Variants in PRKCZ observed in about 807,000 individuals in gnomAD.
The protein encoded by PRKCZ is protein kinase C zeta.
In PRKCZ, 33 loss-of-function variants were observed where a neutral mutation model predicts 79.5. That is an observed-to-expected ratio of 0.41 (90% CI 0.31 to 0.55). PRKCZ has a LOEUF of 0.55. Ranked by LOEUF, PRKCZ falls within the 20% of genes least tolerant of loss-of-function variation. The probability of loss-of-function intolerance (pLI) is 0.19; values close to 1 mark genes in which losing one functional copy is unlikely to be tolerated. For missense variants in PRKCZ, 578 were observed against 813.5 expected (o/e 0.71, Z 3.52); for synonymous variants, 342 against 320.9 (o/e 1.07, Z -0.70).
intron 10 of PRKCZ, chr1:2,156,396 T>C: frequency 3.4e-6 from 1 of 296,720 alleles, no homozygotes; most frequent in East Asian, 7.4e-5. Flanking sequence ...TTTCTGTGCT[T>C]ATTAAAATAT....
At chr1:2,067,181 G>T (rs1661189322) in intron 4 of PRKCZ, among the ~76,000 whole-genome samples, 1 of 152,170 alleles carries the variant, frequency 6.6e-6, no homozygotes, top group African/African-American at 2.4e-5. Context: ...CTGAGTCTGT[G>T]GCTCACTTGT....
intron 4 of PRKCZ, among the ~76,000 whole-genome samples, chr1:2,091,823 G>A (rs545968797): frequency 6.6e-6 from 1 of 152,308 alleles, no homozygotes; most frequent in African/African-American, 2.4e-5. Flanking sequence ...GGCGTCCGAG[G>A]GCCCTGACCC....
intron 10 of PRKCZ, among the ~76,000 whole-genome samples, chr1:2,163,642 G>A (rs949405432): frequency 2.0e-5 from 3 of 152,092 alleles, no homozygotes; most frequent in South Asian, 2.1e-4. Context: ...TGTAATCCCA[G>A]CACTCTGGGA....
At chr1:2,076,980 G>A (rs1446991371) in intron 4 of PRKCZ, among the ~76,000 whole-genome samples, 1 of 152,184 alleles carries the variant, frequency 6.6e-6, no homozygotes. Context: ...GAGGCCTCCA[G>A]GCAGAACCAG....
At chr1:2,105,924 AC>A (rs915869836) in intron 4 of PRKCZ, among the ~76,000 whole-genome samples, 3 of 151,784 alleles carry the variant, frequency 2.0e-5, no homozygotes, top group Non-Finnish European at 4.4e-5. Context: ...ATGAGGCCCC[AC>A]CCCCCCACAC....
intron 16 of PRKCZ, among the ~76,000 whole-genome samples, chr1:2,179,747 T>C (rs1261285173): frequency 2.6e-5 from 4 of 152,184 alleles, no homozygotes; most frequent in Non-Finnish European, 5.9e-5. Context: ...GGCCCAGGGC[T>C]GCTGGTGGGA....
Position 2,173,558 on chromosome 1 carries a change from C to G in PRKCZ, c.1286-339C>G, listed in dbSNP as rs1179116459. On this transcript the variant is annotated intron_variant, in intron 13 of 17. Coordinates refer to ENST00000378567, the MANE Select transcript of PRKCZ (RefSeq NM_002744.6). This position sits in a 1 kb window ranked among gnomAD's most constrained non-coding sequence, Gnocchi z 5.7. ...CGTTACTGCAGCGAAAGGGCTTCTTCAAGCTTAGTTCTGTAGAAGCAGAAA... is the reference window on the plus strand; with the variant it reads ...CGTTACTGCAGCGAAAGGGCTTCTTGAAGCTTAGTTCTGTAGAAGCAGAAA... Among the ~76,000 whole-genome samples, 5 of 152,218 alleles carry G rather than the reference C, an allele frequency of 3.3e-5. No individual in the cohort carries two copies. Among genetic ancestry groups the G allele is most frequent in the African/African-American group, 4.8e-5 (2 of 41,446 alleles).
chr1:2,174,969 T>C lies in PRKCZ; in HGVS notation c.1485+136T>C. The C allele has an allele frequency of 1.1e-6, 1 of 927,932 alleles. No individual in the cohort carries two copies. Among genetic ancestry groups the C allele is most frequent in the East Asian group, 2.5e-5 (1 of 39,998 alleles). The allele number at this position is 927,932 out of a possible 1,614,324, so 57.5% of individuals were successfully genotyped here. A position where few individuals can be genotyped will look rare whatever the true frequency, so the allele number is the denominator to read the frequency against. On this transcript the variant is annotated intron_variant, in intron 15 of 17. Coordinates refer to ENST00000378567, the MANE Select transcript of PRKCZ (RefSeq NM_002744.6). The surrounding 1 kb of genome is among the most constrained non-coding windows in gnomAD (Gnocchi z 6.2). ...TGTGTGGGTTGATTTTCCGCTTCAG[T>C]ATTTGAGCTCTGTGTTCTGTGAATC...
chr1:2,138,035 G>A (rs1676577389), intron 5 of PRKCZ, among the ~76,000 whole-genome samples: 1 of 152,208 alleles, frequency 6.6e-6, no homozygotes, highest in Admixed American at 6.5e-5. Flanking sequence ...CTCGCCACCT[G>A]CTCGTAACGT....
chr1:2,093,533 G>A (rs1665890714), intron 4 of PRKCZ, among the ~76,000 whole-genome samples: 1 of 152,160 alleles, frequency 6.6e-6, no homozygotes, highest in Non-Finnish European at 1.5e-5. Context: ...ATGTGGGACT[G>A]GAAGCTGCTC....
intron 7 of PRKCZ, 94 bp from the exon 8 acceptor site, chr1:2,148,778 A>G: frequency 1.6e-6 from 2 of 1,266,318 alleles, no homozygotes; most frequent in Non-Finnish European, 2.3e-6. Context: ...CTTCACCGTC[A>G]CCCTGCAGAG....
intron 4 of PRKCZ, among the ~76,000 whole-genome samples, chr1:2,077,492 AGGCCAGGCCTGGTGTC>A (rs1662661370): frequency 6.6e-6 from 1 of 152,216 alleles, no homozygotes; most frequent in African/African-American, 2.4e-5. Context: ...AAGTGTAGAC[AGGCCAGGCCTGGTGTC>A]TTGTCCTGGT....
At chr1:2,123,526 G>A (rs1672967751) in intron 4 of PRKCZ, among the ~76,000 whole-genome samples, 2 of 9,416 alleles carry the variant, frequency 2.1e-4, no homozygotes, top group African/African-American at 1.2e-3. Context: ...GGGTCGTGGC[G>A]GTGGTTAGGG....
At chr1:2,116,418 A>C (rs572573021) in intron 4 of PRKCZ, 1 of 152,198 alleles carries the variant, frequency 6.6e-6, no homozygotes, top group African/African-American at 2.4e-5. Context: ...GAACAATGTC[A>C]TTGGGGGGTC....
At chr1:2,099,786 G>C (rs1445546159) in intron 4 of PRKCZ, among the ~76,000 whole-genome samples, 3 of 152,198 alleles carry the variant, frequency 2.0e-5, no homozygotes, top group Admixed American at 2.0e-4. Flanking sequence ...GCCTGGGTGT[G>C]ACCTATTTCC....
intron 8 of PRKCZ, 92 bp from the exon 9 acceptor site, chr1:2,150,698 G>C: frequency 7.7e-7 from 1 of 1,304,376 alleles, no homozygotes; most frequent in Middle Eastern, 2.5e-4. Flanking sequence ...TGAGGAGCAG[G>C]TCTCTGTTGG....
chr1:2,183,393 CAAAA>C (rs917976225), intron 16 of PRKCZ, among the ~76,000 whole-genome samples: 1 of 149,490 alleles, frequency 6.7e-6, no homozygotes, highest in African/African-American at 2.5e-5. Flanking sequence ...GACTCCATCT[CAAAA>C]AAAAAGTGGG....
chr1:2,153,749 C>T (rs1054373115), intron 9 of PRKCZ, among the ~76,000 whole-genome samples: 23 of 152,338 alleles, frequency 1.5e-4, no homozygotes, highest in African/African-American at 5.5e-4. Flanking sequence ...TTGGAAGAGT[C>T]GCTGCTGCGG....
At chr1:2,050,165 C>G (rs932023855), upstream of PRKCZ, 3 of 152,266 alleles carry the variant, frequency 2.0e-5, no homozygotes, top group African/African-American at 7.2e-5. Context: ...GGGGCCCCTC[C>G]GGTTGCCGGG....
Sources: gnomAD v4.1 joint callset for allele counts (sites outside exome capture counted in the v4.1 genomes callset) on GRCh38, gnomAD v4.1.1 for gene constraint, Gnocchi (gnomAD v3.1) non-coding constraint, MANE v1.5 for transcripts, NCBI Gene and HGNC (gene_info 2026-07-23, HGNC 2026-07-21) for gene names.